The following XPO5 variants were observed in gnomAD, a reference collection of about 807,000 sequenced individuals.
XPO5 encodes the protein exportin 5.
A neutral mutation model predicts 160.6 loss-of-function variants in XPO5; 46 were observed. The ratio of observed to expected loss-of-function variants is 0.29; its 90% confidence interval spans 0.23 to 0.37. The LOEUF (loss-of-function observed/expected upper bound fraction) is 0.37, where lower values mean the gene tolerates loss of function less well. Among genes scored for constraint, XPO5 ranks in the 10% least tolerant of loss-of-function variants. XPO5 has a pLI of 1.00. For missense variants in XPO5, 1,090 were observed against 1,463.9 expected (o/e 0.74, Z 4.17); for synonymous variants, 537 against 519.3 (o/e 1.03, Z -0.46).
chr6:43,524,777 G>A lies in XPO5; in HGVS notation c.3312+54C>T, dbSNP rs572269624. 1.1e-5 allele frequency: 17 copies of A among 1,607,448 alleles called. No individual in the cohort carries two copies. In the African/African-American group the frequency reaches 2.0e-4, roughly 19 times the overall value. ...TAGGATAAGGCCCAAGAGACTAGGA[G>A]CAGACTGAGTGATGAAGCTGCAGCC... On this transcript the variant is annotated intron_variant, in intron 30 of 31. Transcript: ENST00000265351.
chr6:43,545,220 A>T (rs1016375292), intron 20 of XPO5, among the ~76,000 whole-genome samples: 1 of 152,156 alleles, frequency 6.6e-6, no homozygotes, highest in African/African-American at 2.4e-5. Flanking sequence ...CAACTTTATC[A>T]GACACTCCAG....
At position 43,525,842 on chromosome 6, in the gene XPO5, A is replaced by T. The variant is rs761459584; in HGVS notation, c.3063T>A (p.His1021Gln). 10 of 1,613,858 alleles carry T rather than the reference A, an allele frequency of 6.2e-6. No individual in the cohort carries two copies. The South Asian group carries it at 1.1e-4, about 18-fold the overall frequency. Residue 1021 changes from histidine (H) to glutamine (Q), a missense_variant, in exon 28 of 32, where the codon CAT becomes CAA. Around this residue, in one of 3 missense-constraint regions of XPO5, gnomAD observed 810 missense variants for 1,139.0 expected, o/e 0.71. Transcript: ENST00000265351. The stretch of plus-strand genomic sequence containing the variant: ...ATCACCTGCTCCTTCTACCCACCTC[A>T]TGCTTCATCAGACATTTGCCCAGGT... The part of the protein sequence containing the change: ...LTDLGKCLMK[H>Q]EDVCTALLIT...
At chr6:43,571,051 A>G in intron 3 of XPO5, 57 bp from the exon 4 acceptor site, 9 of 1,556,586 alleles carry the variant, frequency 5.8e-6, no homozygotes, top group Non-Finnish European at 7.8e-6. Context: ...AGACTTCCAG[A>G]AAAAAGCTGG....
intron 20 of XPO5, chr6:43,538,787 C>T (rs996689816): frequency 1.9e-5 from 14 of 730,078 alleles, no homozygotes; most frequent in Middle Eastern, 8.2e-4. Context: ...TTTTTTCCCA[C>T]GCTTAATTCA....
chr6:43,559,407 A>C (rs923640765), intron 11 of XPO5, among the ~76,000 whole-genome samples: 1 of 152,236 alleles, frequency 6.6e-6, no homozygotes, highest in African/African-American at 2.4e-5. Flanking sequence ...TGAGATTAAC[A>C]ATCTGTCAAC....
intron 20 of XPO5, among the ~76,000 whole-genome samples, chr6:43,540,599 G>A (rs1432258090): frequency 1.3e-5 from 2 of 152,230 alleles, no homozygotes; most frequent in African/African-American, 4.8e-5. Context: ...GTTGAAGTGA[G>A]CCGAGATCAT....
chr6:43,548,364 CCAGGGCTTCCAT>C lies in XPO5; in HGVS notation c.1945_1956del (p.Met649_Leu652del). 6.2e-7 allele frequency: 1 copy of C among 1,613,660 alleles called. No homozygotes were observed. Among genetic ancestry groups the C allele is most frequent in the Non-Finnish European group, 8.5e-7 (1 of 1,179,688 alleles). On this transcript the variant is annotated inframe_deletion, in exon 18 of 32. Transcript: ENST00000265351. ...TTCTTAAATTGGTTGCTAATGAGAACCAGGGCTTCCATGAGGGCACACTTCTCCATTTGTGTC... is the reference window on the plus strand; with the variant it reads ...TTCTTAAATTGGTTGCTAATGAGAACGAGGGCACACTTCTCCATTTGTGTC...
intron 19 of XPO5, 42 bp downstream of exon 19, chr6:43,547,566 A>G (rs1561875352): frequency 6.3e-7 from 1 of 1,579,948 alleles, no homozygotes; most frequent in Non-Finnish European, 8.7e-7. Flanking sequence ...CCCTACTCCT[A>G]CCCATGGCCA....
intron 2 of XPO5, among the ~76,000 whole-genome samples, 185 bp from the exon 3 acceptor site, chr6:43,572,763 T>C (rs1355793385): frequency 6.6e-6 from 1 of 152,164 alleles, no homozygotes; most frequent in East Asian, 1.9e-4. Context: ...AACACAAAAA[T>C]TCTTGGGAAA....
chr6:43,535,002 C>A (rs553190242), intron 20 of XPO5, among the ~76,000 whole-genome samples: 4 of 138,208 alleles, frequency 2.9e-5, no homozygotes, highest in Non-Finnish European at 6.1e-5. Context: ...CTCAAAAAAA[C>A]CCCCCAAAGG....
chr6:43,546,120 G>C (rs1293245349), intron 20 of XPO5, among the ~76,000 whole-genome samples: 1 of 152,132 alleles, frequency 6.6e-6, no homozygotes, highest in African/African-American at 2.4e-5. Flanking sequence ...AGCATGTTCA[G>C]CCAGCGGTTG....
At chr6:43,562,442 G>T in intron 8 of XPO5, 96 bp from the exon 9 acceptor site, 14 of 914,086 alleles carry the variant, frequency 1.5e-5, no homozygotes, top group Non-Finnish European at 2.2e-5. Context: ...ATTTAGTTAG[G>T]TCTGTAATTC....
intron 17 of XPO5, 27 bp from the exon 18 acceptor site, chr6:43,548,487 G>A (rs1795070975): frequency 1.3e-6 from 2 of 1,505,074 alleles, no homozygotes; most frequent in African/African-American, 2.8e-5. Flanking sequence ...AAAAAAGCCA[G>A]AGGTGGTAAA....
At chr6:43,531,358 G>GT in intron 22 of XPO5, 121 bp downstream of exon 22, 2 of 875,144 alleles carry the variant, frequency 2.3e-6, no homozygotes, top group Non-Finnish European at 3.6e-6. Context: ...AGAATGATAA[G>GT]TTTCCTATCA....
intron 20 of XPO5, chr6:43,539,185 C>A: frequency 8.9e-7 from 1 of 1,129,252 alleles, no homozygotes. Flanking sequence ...GCTTGCCGAT[C>A]TTGTTCCCCT....
At chr6:43,551,221 T>C (rs958005055) in intron 15 of XPO5, 77 bp downstream of exon 15, 2 of 1,397,750 alleles carry the variant, frequency 1.4e-6, no homozygotes, top group Non-Finnish European at 1.9e-6. Flanking sequence ...CAAGATCCTG[T>C]CTCCAAAAAA....
In XPO5 at chr6:43,575,814, C is replaced by A. The variant is rs1763290295; in HGVS notation, c.51G>T (p.Val17=). 1.2e-5 allele frequency: 19 copies of A among 1,613,722 alleles called. No homozygotes were observed. The highest frequency in any genetic ancestry group is 1.5e-5 in the Non-Finnish European group (18 of 1,179,782). ...NALCEQLVKA[V]TVMMDPNSTQ... The stretch of plus-strand genomic sequence containing the variant: ...TGGAGTTGGGGTCCATCATGACCGT[C>A]ACCGCTTTCACCAGCTGCTCGCACA... The change falls in exon 1 of 32, where the codon GTG becomes GTT. Residue 17 remains valine, a synonymous_variant. Coordinates refer to ENST00000265351, the MANE Select transcript of XPO5 (RefSeq NM_020750.3).
At position 43,576,024 on chromosome 6, in the gene XPO5, G is replaced by GCCGGCGCTGCGCACGCGCCCGGC. The variant is rs1763309841; in HGVS notation, c.-161_-160insGCCGGGCGCGTGCGCAGCGCCGG. On this transcript the variant is annotated 5_prime_UTR_variant, in exon 1 of 32. Coordinates refer to ENST00000265351, the MANE Select transcript of XPO5 (RefSeq NM_020750.3). ...TAGCAGCAACTCGCGCTGGGAAGAA[G>GCCGGCGCTGCGCACGCGCCCGGC]CCGGCGCTGCGCACGCGCCCGGCCC... 2 of 602,980 alleles carry GCCGGCGCTGCGCACGCGCCCGGC rather than the reference G, an allele frequency of 3.3e-6. No homozygotes were observed. The highest frequency in any genetic ancestry group is 5.5e-6 in the Non-Finnish European group (2 of 361,614). The allele number at this position is 602,980 out of a possible 1,614,324, so 37.4% of individuals were successfully genotyped here. A position where few individuals can be genotyped will look rare whatever the true frequency, so the allele number is the denominator to read the frequency against.
At chr6:43,525,736 G>A (rs1434974691) in intron 28 of XPO5, 103 bp downstream of exon 28, 4 of 1,202,742 alleles carry the variant, frequency 3.3e-6, no homozygotes, top group Non-Finnish European at 4.6e-6. Flanking sequence ...TGTAACAAAG[G>A]AGTATTACAA....
Sources: allele counts gnomAD v4.1 joint callset (sites outside exome capture counted in the v4.1 genomes callset), GRCh38; gene constraint gnomAD v4.1.1; regional missense constraint gnomAD v4.1.1; transcripts MANE v1.5; gene names NCBI Gene and HGNC (gene_info 2026-07-23, HGNC 2026-07-21).